ARSJ: variants seen among roughly 807,000 people sequenced by gnomAD.
The protein encoded by ARSJ is arylsulfatase J.
Under a neutral mutation model 35.9 loss-of-function variants are expected in ARSJ, and 26 were observed. The ratio of observed to expected loss-of-function variants is 0.72; its 90% CI spans 0.53 to 1.00. ARSJ has a LOEUF of 1.00. ARSJ is among the 50% of genes least tolerant of loss of function. ARSJ has a pLI of 0.00. For missense variants in ARSJ, 667 were observed against 723.6 expected, an observed-to-expected ratio of 0.92 and a Z score of 0.90; for synonymous variants, 294 against 267.6, an observed-to-expected ratio of 1.10 and a Z score of -0.96.
chr4:113,901,455 A>C lies in ARSJ; in HGVS notation c.*819T>G, dbSNP rs2099667011. ...GAAGAAATGAAATAAAATTATTCTA[A>C]TGGTATGCAGGAAATAAAAATAAAA... On this transcript the variant is annotated 3_prime_UTR_variant, in exon 2 of 2. Coordinates refer to ENST00000315366, the MANE Select transcript of ARSJ (RefSeq NM_024590.4). The C allele has an allele frequency of 1.5e-5, 2 of 129,832 alleles. No individual in the cohort carries two copies. The highest frequency in any genetic ancestry group is 5.1e-5 in the African/African-American group (2 of 39,500). The allele number at this position is 129,832 out of a possible 1,614,324, so 8.0% of individuals were successfully genotyped here. A position where few individuals can be genotyped will look rare whatever the true frequency, so the allele number is the denominator to read the frequency against.
intron 1 of ARSJ, among the ~76,000 whole-genome samples, chr4:113,942,328 T>A (rs1021282128): frequency 4.6e-5 from 7 of 152,036 alleles, no homozygotes; most frequent in African/African-American, 1.4e-4. Context: ...TAAAGCCCAA[T>A]GATATAATCC....
intron 1 of ARSJ, among the ~76,000 whole-genome samples, chr4:113,960,998 T>G (rs1251895882): frequency 6.6e-6 from 1 of 152,078 alleles, no homozygotes; most frequent in Non-Finnish European, 1.5e-5. Context: ...TAGAATAAGT[T>G]TCAAGTCCAA....
At position 113,903,507 on chromosome 4, in the gene ARSJ, G is replaced by A. The variant is rs766163905; in HGVS notation, c.567C>T (p.Thr189=). The A allele has an allele frequency of 2.5e-6, 4 of 1,614,142 alleles. No individual in the cohort carries two copies. The highest frequency in any genetic ancestry group is 1.1e-5 in the South Asian group (1 of 91,084). The change falls in exon 2 of 2, where the codon ACC becomes ACT. Residue 189 remains threonine, a synonymous_variant. Coordinates refer to ENST00000315366, the MANE Select transcript of ARSJ (RefSeq NM_024590.4). ...LGFYRKECMP[T]RRGFDTFFGS... ...CAAAAAAGGTATCAAATCCTCTTCT[G>A]GTGGGCATGCATTCTTTTCTGTAAA...
At chr4:113,947,522 G>C in intron 1 of ARSJ, among the ~76,000 whole-genome samples, 1 of 143,512 alleles carries the variant, frequency 7.0e-6, no homozygotes, top group Admixed American at 7.0e-5. Flanking sequence ...AAGAGAGAGA[G>C]AGGGAGGGAG....
chr4:113,943,642 A>G (rs757524602), intron 1 of ARSJ: 6 of 152,032 alleles, frequency 3.9e-5, no homozygotes, highest in Non-Finnish European at 8.8e-5. Flanking sequence ...TAATCAAGAG[A>G]GTGACAGAAG....
chr4:113,901,113 T>C lies in ARSJ; in HGVS notation c.*1161A>G, dbSNP rs1362248139. On this transcript the variant is annotated 3_prime_UTR_variant, in exon 2 of 2. Coordinates refer to ENST00000315366, the MANE Select transcript of ARSJ (RefSeq NM_024590.4). Reference sequence around the variant, plus strand: ...TCCTTCAATTGCCTATTAGTAAAGATTTTTATTTTTTAGGACCAATGATAC... The same window carrying C: ...TCCTTCAATTGCCTATTAGTAAAGACTTTTATTTTTTAGGACCAATGATAC... 6.6e-6 allele frequency: 1 copy of C among 152,200 alleles called. No individual in the cohort carries two copies. The highest frequency in any genetic ancestry group is 1.5e-5 in the Non-Finnish European group (1 of 68,036). The allele number at this position is 152,200 out of a possible 1,614,324, so 9.4% of individuals were successfully genotyped here. A position where few individuals can be genotyped will look rare whatever the true frequency, so the allele number is the denominator to read the frequency against.
intron 1 of ARSJ, among the ~76,000 whole-genome samples, chr4:113,949,859 TC>T (rs1429139434): frequency 2.0e-4 from 31 of 152,116 alleles, no homozygotes; most frequent in Admixed American, 3.3e-4. Flanking sequence ...TTTTGTTAGA[TC>T]CTTATGTCTT....
rs145953338 is a variant in ARSJ, at chr4:113,921,676, C to G, written c.399-18001G>C. ...TAATCTCACTAGCCTTGTGTTAATTCAACTTGTAACATAGCCTAGCTTCTC... is the reference window on the plus strand; with the variant it reads ...TAATCTCACTAGCCTTGTGTTAATTGAACTTGTAACATAGCCTAGCTTCTC... On this transcript the variant is annotated intron_variant, in intron 1 of 1. Transcript: ENST00000315366. Among the ~76,000 whole-genome samples the G allele has an allele frequency of 5.3e-3, 804 of 152,234 alleles. 1 individual carries two copies. Among genetic ancestry groups the G allele is most frequent in the Non-Finnish European group, 9.4e-3 (637 of 68,012 alleles).
chr4:113,963,530 A>G (rs1400358135), intron 1 of ARSJ, among the ~76,000 whole-genome samples: 1 of 152,098 alleles, frequency 6.6e-6, no homozygotes. Flanking sequence ...TAACGCCACC[A>G]TGATTCAATT....
Position 113,972,293 on chromosome 4 carries a change from G to GAAAAAA in ARSJ, c.398+6138_398+6143dup, listed in dbSNP as rs750176630. ...TCATTACTTTCTAAGAGATGATCTG[G>GAAAAAA]AAAAAAAAAAAAACAAAAAAAAAAA... On this transcript the variant is annotated intron_variant, in intron 1 of 1. Transcript: ENST00000315366. Among the ~76,000 whole-genome samples the GAAAAAA allele has an allele frequency of 1.6e-3, 98 of 61,618 alleles. 4 individuals carry two copies. The highest frequency in any genetic ancestry group is 5.0e-3 in the African/African-American group (87 of 17,418). 40.4% of individuals were successfully genotyped at this position (61,618 alleles called of 152,430 possible).
Position 113,902,677 on chromosome 4 carries a change from C to G in ARSJ, c.1397G>C (p.Trp466Ser). ...LLTGNPGYSDWVPPQSFSNLG... is the reference protein window; with the variant it reads ...LLTGNPGYSDSVPPQSFSNLG... ...GTTGCTGAAAGACTGAGGGGGGACC[C>G]AGTCGCTGTAGCCAGGATTTCCTGT... Residue 466 changes from tryptophan to serine, a missense_variant, in exon 2 of 2, where the codon TGG becomes TCG. Physicochemically the swap from Trp to Ser is radical, Grantham distance 177 (BLOSUM62 -3). Transcript: ENST00000315366. The G allele has an allele frequency of 6.2e-7, 1 of 1,614,202 alleles. No homozygotes were observed. Among genetic ancestry groups the G allele is most frequent in the Non-Finnish European group, 8.5e-7 (1 of 1,180,036 alleles).
At chr4:113,970,727 G>A (rs1348235022) in intron 1 of ARSJ, 1 of 152,108 alleles carries the variant, frequency 6.6e-6, no homozygotes, top group Non-Finnish European at 1.5e-5. Flanking sequence ...GGGCGAGGTG[G>A]GTGGATCACT....
chr4:113,924,868 C>A (rs549148989), intron 1 of ARSJ, among the ~76,000 whole-genome samples: 34 of 152,258 alleles, frequency 2.2e-4, no homozygotes, highest in African/African-American at 7.2e-4. Context: ...TGATGACTAC[C>A]TTCTTCTACT....
chr4:113,924,040 TATATAA>T (rs781757621), intron 1 of ARSJ, among the ~76,000 whole-genome samples: 100,472 of 126,814 alleles, frequency 0.79, 38,070 homozygotes, highest in Middle Eastern at 0.85. Context: ...TATATAAATA[TATATAA>T]ATATATATAA....
rs566983455 is a variant in ARSJ, at chr4:113,940,645, TA to T, written c.399-36971del. ...CATCCTGCACATGTACCCTGGAACT[TA>T]AAAAAAAAAAAATGTGTATAAAGAC... is the stretch of plus-strand genomic sequence containing the variant. On this transcript the variant is annotated intron_variant, in intron 1 of 1. Coordinates refer to ENST00000315366, the MANE Select transcript of ARSJ (RefSeq NM_024590.4). 8.0e-3 allele frequency among the ~76,000 whole-genome samples: 1,147 copies of T among 144,188 alleles called. 8 individuals carry two copies. The highest frequency in any genetic ancestry group is 0.015 in the African/African-American group (576 of 39,496). 94.6% of individuals were successfully genotyped at this position (144,188 alleles called of 152,430 possible).
At chr4:113,904,420 A>T (rs1414144506) in intron 1 of ARSJ, among the ~76,000 whole-genome samples, 2 of 152,232 alleles carry the variant, frequency 1.3e-5, no homozygotes, top group African/African-American at 4.8e-5. Context: ...ATTTCAAGCT[A>T]ACTCTTAAGT....
chr4:113,973,016 C>T (rs560392793), intron 1 of ARSJ, among the ~76,000 whole-genome samples: 1 of 152,320 alleles, frequency 6.6e-6, no homozygotes, highest in South Asian at 2.1e-4. Context: ...CATCCAATTT[C>T]AGGCCTTTCC....
intron 1 of ARSJ, among the ~76,000 whole-genome samples, chr4:113,929,442 G>A (rs1724287905): frequency 6.6e-6 from 1 of 152,126 alleles, no homozygotes; most frequent in African/African-American, 2.4e-5. Flanking sequence ...GGGGCAGGAG[G>A]GATGTTGCCA....
At chr4:113,924,024 TATATATATATAAATATATATAA>T (rs1456087823) in intron 1 of ARSJ, among the ~76,000 whole-genome samples, 191 of 8,572 alleles carry the variant, frequency 0.022, 4 homozygotes, top group African/African-American at 0.037. Context: ...AGAATCTACA[TATATATATATAAATATATATAA>T]ATATATATAA....
Sources: allele counts gnomAD v4.1 joint callset (sites outside exome capture counted in the v4.1 genomes callset), GRCh38; gene constraint gnomAD v4.1.1; transcripts MANE v1.5; gene names NCBI Gene and HGNC (gene_info 2026-07-23, HGNC 2026-07-21).